The following SPECC1L variants were observed in gnomAD, a reference collection of about 807,000 sequenced individuals.
The protein encoded by SPECC1L is cytospin-A.
In SPECC1L, 40 loss-of-function variants were observed where a neutral mutation model predicts 116.8. The ratio of observed to expected loss-of-function variants is 0.34; its 90% CI spans 0.27 to 0.45. SPECC1L has a LOEUF of 0.45. Among genes scored for constraint, SPECC1L ranks in the 20% least tolerant of loss-of-function variants. The pLI is 1.00. For missense variants in SPECC1L, 1,110 were observed against 1,373.6 expected (o/e 0.81, Z 3.03); for synonymous variants, 504 against 500.6 (o/e 1.01, Z -0.09).
chr22:24,303,844 G>GGTGTGT (rs3031935), intron 3 of SPECC1L, among the ~76,000 whole-genome samples: 2,367 of 144,054 alleles, frequency 0.016, 24 homozygotes, highest in South Asian at 0.029. Flanking sequence ...GTTTAAATAG[G>GGTGTGT]GTGTGTGTGT....
rs535322383 is a variant in SPECC1L, at chr22:24,393,291, T to C, written c.3088-18297T>C. 3.3e-5 allele frequency among the ~76,000 whole-genome samples: 5 copies of C among 152,344 alleles called. No homozygotes were observed. The South Asian group carries it at 1.0e-3, about 32-fold the overall frequency. On this transcript the variant is annotated intron_variant, in intron 14 of 16. Transcript: ENST00000314328. ...ACAGAACCTTATGATGCTTTTTTAA[T>C]GTTGCCTCACAAATGAGAGGGAATC...
chr22:24,317,550 A>C (rs1322587509), intron 4 of SPECC1L, among the ~76,000 whole-genome samples: 1 of 117,522 alleles, frequency 8.5e-6, no homozygotes, highest in Non-Finnish European at 1.8e-5. Flanking sequence ...ACTTCCCAGT[A>C]GGGGCGGCCG....
In SPECC1L at chr22:24,416,241, CATCAGCCCTGCCCAGAT is replaced by C. The variant is rs2042798819; in HGVS notation, c.*1619_*1635del. Reference sequence around the variant, plus strand: ...GGTCACCAGATGGCCAGAAGCTGCCCATCAGCCCTGCCCAGATGTCAGCCTGGGAGCTCAGGCTGCTG... The same window carrying C: ...GGTCACCAGATGGCCAGAAGCTGCCCGTCAGCCTGGGAGCTCAGGCTGCTG... On this transcript the variant is annotated 3_prime_UTR_variant, in exon 17 of 17. Coordinates refer to ENST00000314328, the MANE Select transcript of SPECC1L (RefSeq NM_015330.6). The C allele has an allele frequency of 6.6e-6, 1 of 152,222 alleles. No homozygotes were observed. The highest frequency in any genetic ancestry group is 2.4e-5 in the African/African-American group (1 of 41,428). 9.4% of individuals were successfully genotyped at this position (152,222 alleles called of 1,614,324 possible).
At chr22:24,384,175 A>G (rs2042117803) in intron 14 of SPECC1L, among the ~76,000 whole-genome samples, 1 of 152,180 alleles carries the variant, frequency 6.6e-6, no homozygotes, top group Non-Finnish European at 1.5e-5. Context: ...GGGTTATACC[A>G]AAAGAGAGGG....
chr22:24,274,239 A>G (rs1392767579), intron 1 of SPECC1L, among the ~76,000 whole-genome samples: 1 of 152,238 alleles, frequency 6.6e-6, no homozygotes, highest in Non-Finnish European at 1.5e-5. Context: ...GACCATTAGG[A>G]AAGTAGCCTT....
chr22:24,414,681 C>T lies in SPECC1L; in HGVS notation c.*58C>T. On this transcript the variant is annotated 3_prime_UTR_variant, in exon 17 of 17. Transcript: ENST00000314328. The stretch of plus-strand genomic sequence containing the variant: ...GTACCCCTCCACAGCGACCGAGCGA[C>T]ACCGACGCCATTAGCTACGCACCCC... 2 of 1,471,148 alleles carry T rather than the reference C, an allele frequency of 1.4e-6. No individual in the cohort carries two copies. The highest frequency in any genetic ancestry group is 1.9e-6 in the Non-Finnish European group (2 of 1,054,554). The allele number at this position is 1,471,148 out of a possible 1,614,324, so 91.1% of individuals were successfully genotyped here.
Position 24,369,735 on chromosome 22 carries a change from A to G in SPECC1L, c.3087+415A>G, listed in dbSNP as rs890969610. 2.6e-5 allele frequency among the ~76,000 whole-genome samples: 4 copies of G among 152,322 alleles called. No individual in the cohort carries two copies. In the East Asian group the frequency reaches 5.8e-4, roughly 22 times the overall value. On this transcript the variant is annotated intron_variant, in intron 14 of 16. Transcript: ENST00000314328. ...ATAACTTGACTATCACTTGGGTGAA[A>G]TAAGTTTGTTACCTTTCCACAGTAC...
chr22:24,312,255 C>T (rs2040477056), intron 3 of SPECC1L, among the ~76,000 whole-genome samples: 1 of 152,178 alleles, frequency 6.6e-6, no homozygotes, highest in Non-Finnish European at 1.5e-5. Flanking sequence ...AGGCATGAGC[C>T]ACTGTGCCCA....
chr22:24,328,406 C>A (rs2040872483), intron 6 of SPECC1L, among the ~76,000 whole-genome samples: 1 of 152,038 alleles, frequency 6.6e-6, no homozygotes, highest in African/African-American at 2.4e-5. Context: ...ATATTTTTTA[C>A]TAATTTTGAT....
chr22:24,408,058 G>A (rs935530716), intron 14 of SPECC1L, among the ~76,000 whole-genome samples: 3 of 152,166 alleles, frequency 2.0e-5, no homozygotes, highest in Non-Finnish European at 4.4e-5. Flanking sequence ...CCAGACTGCT[G>A]CGGGTGGCTG....
rs563489700 is a variant in SPECC1L, at chr22:24,366,301, C to T, written c.2984+669C>T. Among the ~76,000 whole-genome samples, 17 of 152,090 alleles carry T rather than the reference C, an allele frequency of 1.1e-4. No individual in the cohort carries two copies. The East Asian group carries it at 3.3e-3, about 29-fold the overall frequency. On this transcript the variant is annotated intron_variant, in intron 13 of 16. Coordinates refer to ENST00000314328, the MANE Select transcript of SPECC1L (RefSeq NM_015330.6). ...TCCGCCCCCTGGGGTTCATGCCATT[C>T]TCTTGCCTCAGCCTCCCGAGTAGCT...
intron 2 of SPECC1L, among the ~76,000 whole-genome samples, chr22:24,298,912 T>C (rs1224066640): frequency 6.6e-6 from 1 of 152,212 alleles, no homozygotes; most frequent in Non-Finnish European, 1.5e-5. Context: ...TGCAGTCAGA[T>C]TGACACATAA....
intron 14 of SPECC1L, among the ~76,000 whole-genome samples, chr22:24,391,091 G>T (rs1036313313): frequency 1.3e-5 from 2 of 151,686 alleles, no homozygotes; most frequent in African/African-American, 4.8e-5. Context: ...TAGCAAGGAT[G>T]GTCTCAATCT....
intron 9 of SPECC1L, among the ~76,000 whole-genome samples, chr22:24,336,284 T>C (rs2041053202): frequency 6.6e-6 from 1 of 151,976 alleles, no homozygotes; most frequent in African/African-American, 2.4e-5. Context: ...TATATATACC[T>C]ATATGTGTGT....
At chr22:24,404,522 C>T (rs1160598153) in intron 14 of SPECC1L, among the ~76,000 whole-genome samples, 2 of 152,208 alleles carry the variant, frequency 1.3e-5, no homozygotes, top group Non-Finnish European at 2.9e-5. Flanking sequence ...ACTGCATGCG[C>T]TCTCCCTCCT....
At chr22:24,299,548 A>G (rs543400977) in intron 2 of SPECC1L, among the ~76,000 whole-genome samples, 1 of 152,300 alleles carries the variant, frequency 6.6e-6, no homozygotes, top group Admixed American at 6.5e-5. Flanking sequence ...GCATCTTTAA[A>G]GGTTTGACTG....
At position 24,417,071 on chromosome 22, in the gene SPECC1L, G is replaced by A. The variant is rs976756053; in HGVS notation, c.*2448G>A. The A allele has an allele frequency of 6.6e-6, 1 of 152,458 alleles. No homozygotes were observed. The highest frequency in any genetic ancestry group is 1.5e-5 in the Non-Finnish European group (1 of 68,040). 9.4% of individuals were successfully genotyped at this position (152,458 alleles called of 1,614,324 possible). A position where few individuals can be genotyped will look rare whatever the true frequency, so the allele number is the denominator to read the frequency against. On this transcript the variant is annotated 3_prime_UTR_variant, in exon 17 of 17. Coordinates refer to ENST00000314328, the MANE Select transcript of SPECC1L (RefSeq NM_015330.6). ...CATTTGGAGATGCTCTCAGTCCTGT[G>A]GCATCTGGCACGAAGTCTCCAAGAA... is the stretch of plus-strand genomic sequence containing the variant.
intron 11 of SPECC1L, among the ~76,000 whole-genome samples, chr22:24,353,769 A>C (rs1167811814): frequency 6.6e-6 from 1 of 152,138 alleles, no homozygotes; most frequent in African/African-American, 2.4e-5. Flanking sequence ...AAGTTATTTT[A>C]TCAGGGGTAC....
chr22:24,280,007 C>G (rs2048911788), intron 2 of SPECC1L, among the ~76,000 whole-genome samples: 1 of 152,164 alleles, frequency 6.6e-6, no homozygotes, highest in African/African-American at 2.4e-5. Context: ...ATTTTGCTGT[C>G]TTGAATTGAT....
Sources: allele counts gnomAD v4.1 joint callset (sites outside exome capture counted in the v4.1 genomes callset), GRCh38; gene constraint gnomAD v4.1.1; transcripts MANE v1.5; gene names NCBI Gene and HGNC (gene_info 2026-07-23, HGNC 2026-07-21).